Variants in ZNF875 observed in about 807,000 individuals in gnomAD.
ZNF875 encodes HKR1, GLI-Kruppel zinc finger family member.
Under a neutral mutation model 11.2 loss-of-function variants are expected in ZNF875, and 14 were observed. The observed-to-expected ratio is 1.26, with a 90% CI of 0.83 to 1.96. ZNF875 has a LOEUF of 1.96. Ranked by LOEUF, ZNF875 falls within the 30% of genes most tolerant of loss-of-function variation. ZNF875 has a pLI of 0.00. For synonymous variants in ZNF875, 301 were observed against 281.1 expected, an observed-to-expected ratio of 1.07 and a Z score of -0.71; for missense variants, 752 against 760.4, an observed-to-expected ratio of 0.99 and a Z score of 0.13.
rs1298835435 is a variant in ZNF875 at position 37,347,180 on chromosome 19, T to C, written c.34-10T>C. 6.2e-7 allele frequency: 1 copy of C among 1,613,870 alleles called. No homozygotes were observed. The highest frequency in any genetic ancestry group is 1.7e-5 in the Admixed American group (1 of 60,002). ...CTCCTGGGTGAGCAGAGGTGTGTTT[T>C]GTGTTAAAGGCGTTCGTGGCATTCA... On this transcript the variant is annotated splice_polypyrimidine_tract_variant and intron_variant, in intron 2 of 4. Coordinates refer to ENST00000392153, the MANE Select transcript of ZNF875 (RefSeq NM_001353803.2).
At chr19:37,342,433 A>G (rs1281683136) in intron 2 of ZNF875, among the ~76,000 whole-genome samples, 3 of 130,284 alleles carry the variant, frequency 2.3e-5, no homozygotes, top group East Asian at 4.5e-4. Flanking sequence ...TTTTTTTGAG[A>G]TGAAGTTTCA....
At chr19:37,353,455 TTAAGG>T (rs1325234098) in intron 4 of ZNF875, among the ~76,000 whole-genome samples, 7 of 152,322 alleles carry the variant, frequency 4.6e-5, no homozygotes, top group African/African-American at 1.7e-4. Flanking sequence ...TTTAAAGAAA[TTAAGG>T]TAAATGTATG....
chr19:37,360,469 A>G (rs2039712041), intron 4 of ZNF875, among the ~76,000 whole-genome samples: 1 of 152,246 alleles, frequency 6.6e-6, no homozygotes, highest in Non-Finnish European at 1.5e-5. Flanking sequence ...AAAAAAACCA[A>G]AAGCCTGCTG....
intron 4 of ZNF875, among the ~76,000 whole-genome samples, chr19:37,349,046 C>G (rs1043431864): frequency 2.0e-5 from 3 of 152,182 alleles, no homozygotes; most frequent in Non-Finnish European, 4.4e-5. Context: ...TGCCTCTCCT[C>G]TAGCTTCTGG....
In ZNF875 at chr19:37,362,766, CAGG is replaced by C; in HGVS notation, c.915_917del (p.Gly306del). The C allele has an allele frequency of 6.2e-7, 1 of 1,613,834 alleles. No individual in the cohort carries two copies. Among genetic ancestry groups the C allele is most frequent in the Non-Finnish European group, 8.5e-7 (1 of 1,179,854 alleles). Reference sequence around the variant, plus strand: ...CTGATCACACATCAGAGGACACACTCAGGGGAGAAACCTTATGTGTGCAAGGAT... The same window carrying C: ...CTGATCACACATCAGAGGACACACTCGGAGAAACCTTATGTGTGCAAGGAT... On this transcript the variant is annotated inframe_deletion, in exon 5 of 5. Coordinates refer to ENST00000392153, the MANE Select transcript of ZNF875 (RefSeq NM_001353803.2).
chr19:37,318,646 C>T (rs1198696346), intron 1 of ZNF875, among the ~76,000 whole-genome samples: 1 of 151,368 alleles, frequency 6.6e-6, no homozygotes, highest in East Asian at 2.0e-4. Flanking sequence ...CTCAGCCTCC[C>T]GAGTAGCTGG....
At chr19:37,325,185 C>T (rs569173198) in intron 4 of ZNF875, 27 of 152,356 alleles carry the variant, frequency 1.8e-4, no homozygotes, top group Admixed American at 1.6e-3. Flanking sequence ...CTCAGCACCC[C>T]TAGTGTCAGC....
chr19:37,319,401 C>T (rs1220774387), intron 1 of ZNF875, among the ~76,000 whole-genome samples: 1 of 137,224 alleles, frequency 7.3e-6, no homozygotes, highest in Non-Finnish European at 1.5e-5. Context: ...TCTCCTAAAT[C>T]CTTTAAAATG....
At chr19:37,344,851 T>C (rs1445672224) in intron 2 of ZNF875, 2 of 909,822 alleles carry the variant, frequency 2.2e-6, no homozygotes, top group South Asian at 1.3e-5. Flanking sequence ...AAGGGGTGTA[T>C]GTGTGTATGT....
In ZNF875 at chr19:37,347,838, A is replaced by G; in HGVS notation, c.222A>G (p.Arg74=). The G allele has an allele frequency of 6.2e-7, 1 of 1,612,986 alleles. No homozygotes were observed. Among genetic ancestry groups the G allele is most frequent in the Non-Finnish European group, 8.5e-7 (1 of 1,178,990 alleles). ...TGGAGCGAGGGGAAGCGCCCTGGAG[A>G]GAGGAGAGAAAATGTCCACTGGACC... is the stretch of plus-strand genomic sequence containing the variant. ...AQLERGEAPW[R]EERKCPLDLC... is the part of the protein sequence containing the mutation. Residue 74 remains arginine, a synonymous_variant, in exon 4 of 5, where the codon AGA becomes AGG. Transcript: ENST00000392153.
intron 2 of ZNF875, among the ~76,000 whole-genome samples, chr19:37,342,269 T>A (rs1338487276): frequency 6.6e-6 from 1 of 152,196 alleles, no homozygotes; most frequent in Non-Finnish European, 1.5e-5. Flanking sequence ...AGACTGAAGA[T>A]GTAAAATAAT....
rs1268954484 is a variant in ZNF875, at chr19:37,363,217, C to T, written c.1365C>T (p.Cys455=). The T allele has an allele frequency of 1.5e-5, 24 of 1,610,466 alleles. No individual in the cohort carries two copies. Among genetic ancestry groups the T allele is most frequent in the South Asian group, 1.1e-4 (10 of 90,880 alleles). Residue 455 remains cysteine (C), a synonymous_variant, in exon 5 of 5, where the codon TGC becomes TGT. Coordinates refer to ENST00000392153, the MANE Select transcript of ZNF875 (RefSeq NM_001353803.2). ...SGVKPYVCLE[C]GQCFSLKSNL... ...TTAAACCTTATGTCTGCCTGGAGTG[C>T]GGGCAGTGCTTTAGCCTGAAGTCAA... is the stretch of plus-strand genomic sequence containing the variant.
chr19:37,335,487 A>G (rs2034166738), intron 2 of ZNF875, among the ~76,000 whole-genome samples: 1 of 152,238 alleles, frequency 6.6e-6, no homozygotes, highest in South Asian at 2.1e-4. Flanking sequence ...AACAAAAGGA[A>G]TAAAAGACAA....
chr19:37,317,649 A>T (rs1306479295), upstream of ZNF875, among the ~76,000 whole-genome samples: 1 of 152,220 alleles, frequency 6.6e-6, no homozygotes, highest in Admixed American at 6.5e-5. Context: ...CAGCGGGTAG[A>T]CGTTCCAGCG....
At chr19:37,325,490 A>G (rs894911484) in intron 4 of ZNF875, among the ~76,000 whole-genome samples, 1 of 152,204 alleles carries the variant, frequency 6.6e-6, no homozygotes, top group Admixed American at 6.5e-5. Context: ...AAATGTTAGC[A>G]TTATCCAAAA....
chr19:37,344,809 T>A, intron 2 of ZNF875: 1 of 1,264,118 alleles, frequency 7.9e-7, no homozygotes, highest in Non-Finnish European at 1.2e-6. Flanking sequence ...CACTAATTGC[T>A]CTGTGATGTA....
In ZNF875 at chr19:37,348,008, CT is replaced by C. The variant is rs2037151552; in HGVS notation, c.256+139del. Reference sequence around the variant, plus strand: ...GAGAAACGTTGCCTGACATGGTCTTCTTTCCGGAACATAATCTTCAGTTGAG... The same window carrying C: ...GAGAAACGTTGCCTGACATGGTCTTCTTCCGGAACATAATCTTCAGTTGAG... On this transcript the variant is annotated intron_variant, in intron 4 of 4. Coordinates refer to ENST00000392153, the MANE Select transcript of ZNF875 (RefSeq NM_001353803.2). 9.9e-6 allele frequency: 6 copies of C among 608,558 alleles called. No homozygotes were observed. In the Admixed American group the frequency reaches 1.7e-4, roughly 17 times the overall value. 37.7% of individuals were successfully genotyped at this position (608,558 alleles called of 1,614,324 possible).
At chr19:37,333,257 A>G (rs749729672), upstream of ZNF875, among the ~76,000 whole-genome samples, 3 of 82,090 alleles carry the variant, frequency 3.7e-5, no homozygotes, top group Non-Finnish European at 7.0e-5. Context: ...CACCCCTACC[A>G]TATCTTTCTT....
At chr19:37,350,799 C>CTTTTTTTT (rs61142979) in intron 4 of ZNF875, among the ~76,000 whole-genome samples, 26 of 91,236 alleles carry the variant, frequency 2.8e-4, no homozygotes, top group East Asian at 6.5e-4. Context: ...ATTCTTTTTG[C>CTTTTTTTT]TTTTTTTTTT....
Sources: gnomAD v4.1 joint callset for allele counts (sites outside exome capture counted in the v4.1 genomes callset) on GRCh38, gnomAD v4.1.1 for gene constraint, MANE v1.5 for transcripts, NCBI Gene and HGNC (gene_info 2026-07-23, HGNC 2026-07-21) for gene names.